The following ADGRV1 variants were observed in gnomAD, a reference collection of about 807,000 sequenced individuals.
ADGRV1 encodes the protein G-protein coupled receptor 98.
A neutral mutation model predicts 596.2 loss-of-function variants in ADGRV1; 359 were observed. That is an observed-to-expected ratio of 0.60 (90% CI 0.55 to 0.66). The LOEUF (loss-of-function observed/expected upper bound fraction) is 0.66, where lower values mean the gene tolerates loss of function less well. Ranked by LOEUF, ADGRV1 falls within the 30% of genes least tolerant of loss-of-function variation. ADGRV1 has a pLI of 0.00. For synonymous variants in ADGRV1, 2,681 were observed against 2,679.2 expected, an observed-to-expected ratio of 1.00 and a Z score of -0.02; for missense variants, 7,274 against 7,575.6, an observed-to-expected ratio of 0.96 and a Z score of 1.48.
intron 82 of ADGRV1, among the ~76,000 whole-genome samples, chr5:90,857,919 G>A (rs1767179011): frequency 6.6e-6 from 1 of 152,052 alleles, no homozygotes. Flanking sequence ...TATACAATTA[G>A]ACAGGAATTT....
chr5:90,773,326 G>C (rs1014146249), intron 59 of ADGRV1, among the ~76,000 whole-genome samples: 1 of 151,780 alleles, frequency 6.6e-6, no homozygotes, highest in Non-Finnish European at 1.5e-5. Flanking sequence ...CTAATAAATG[G>C]GTCAAAAAGA....
intron 74 of ADGRV1, 54 bp from the exon 75 acceptor site, chr5:90,815,565 G>A: frequency 1.0e-6 from 1 of 981,050 alleles, no homozygotes; most frequent in Non-Finnish European, 1.6e-6. Flanking sequence ...TGGAGCATGG[G>A]AGGTCTTTTA....
chr5:90,635,606 T>G (rs1242696955), intron 10 of ADGRV1, among the ~76,000 whole-genome samples: 1 of 145,880 alleles, frequency 6.9e-6, no homozygotes, highest in Non-Finnish European at 1.5e-5. Flanking sequence ...TTTTTTTTTT[T>G]CTTTGAGAGA....
At chr5:90,980,875 GA>G (rs1204065132) in intron 84 of ADGRV1, among the ~76,000 whole-genome samples, 1 of 152,142 alleles carries the variant, frequency 6.6e-6, no homozygotes, top group Non-Finnish European at 1.5e-5. Context: ...TCAAGGAAAG[GA>G]ATACAACAGG....
At chr5:90,958,581 T>C (rs1410256934) in intron 83 of ADGRV1, among the ~76,000 whole-genome samples, 1 of 152,132 alleles carries the variant, frequency 6.6e-6, no homozygotes, top group Non-Finnish European at 1.5e-5. Context: ...AGAGTCTGAG[T>C]TGAAGGTGTC....
chr5:90,999,991 G>A (rs948399646), intron 85 of ADGRV1, among the ~76,000 whole-genome samples: 1 of 151,882 alleles, frequency 6.6e-6, no homozygotes, highest in Admixed American at 6.6e-5. Context: ...TTCTTTTTCT[G>A]AAAATAATGT....
At chr5:91,153,063 T>G (rs1341389610) in intron 88 of ADGRV1, among the ~76,000 whole-genome samples, 158 bp from the exon 89 acceptor site, 4 of 152,094 alleles carry the variant, frequency 2.6e-5, no homozygotes, top group Admixed American at 6.6e-5. Flanking sequence ...AAAAATAAAT[T>G]TATAAATAAG....
intron 85 of ADGRV1, among the ~76,000 whole-genome samples, chr5:91,065,992 A>T (rs2151375009): frequency 6.6e-6 from 1 of 152,348 alleles, no homozygotes; most frequent in Admixed American, 6.5e-5. Context: ...ACCCCAAAAG[A>T]CTATTCAACA....
chr5:90,787,219 C>G (rs1344686168), intron 67 of ADGRV1, among the ~76,000 whole-genome samples: 1 of 152,136 alleles, frequency 6.6e-6, no homozygotes, highest in African/African-American at 2.4e-5. Context: ...AATGTTCTTT[C>G]TTTGTAGATT....
chr5:90,892,460 G>T (rs1770916444), intron 83 of ADGRV1, among the ~76,000 whole-genome samples: 1 of 151,980 alleles, frequency 6.6e-6, no homozygotes, highest in Non-Finnish European at 1.5e-5. Context: ...TGAAAATTAG[G>T]TCAGTTATGG....
chr5:90,700,197 T>A (rs986497196), intron 34 of ADGRV1, among the ~76,000 whole-genome samples: 4 of 152,194 alleles, frequency 2.6e-5, no homozygotes, highest in African/African-American at 9.7e-5. Context: ...TCATGGTGAT[T>A]CTTCAGAGAT....
chr5:91,159,566 A>G (rs1185140037), intron 89 of ADGRV1, among the ~76,000 whole-genome samples: 4 of 152,234 alleles, frequency 2.6e-5, no homozygotes, highest in African/African-American at 9.6e-5. Flanking sequence ...TCGACTTTCT[A>G]TGAGAAATCC....
intron 87 of ADGRV1, among the ~76,000 whole-genome samples, chr5:91,147,504 G>A (rs868079718): frequency 6.6e-6 from 1 of 152,148 alleles, no homozygotes; most frequent in Non-Finnish European, 1.5e-5. Flanking sequence ...GATAATGAGT[G>A]CATCTCATTA....
At chr5:91,001,234 C>T (rs565584944) in intron 85 of ADGRV1, among the ~76,000 whole-genome samples, 65 of 152,150 alleles carry the variant, frequency 4.3e-4, no homozygotes, top group Non-Finnish European at 3.2e-4. Flanking sequence ...TGTACCACCA[C>T]ACCTGGCTAA....
intron 73 of ADGRV1, 81 bp from the exon 74 acceptor site, chr5:90,810,152 A>G (rs574571987): frequency 8.6e-7 from 1 of 1,159,222 alleles, no homozygotes; most frequent in South Asian, 1.7e-5. Flanking sequence ...CAGCATTTTA[A>G]ATATGTGAAT....
chr5:90,720,357 A>G (rs1250493059), intron 44 of ADGRV1, 134 bp downstream of exon 44: 8 of 633,136 alleles, frequency 1.3e-5, no homozygotes, highest in African/African-American at 3.7e-5. Context: ...TCTAGAAAAG[A>G]TAGGTCTAGA....
At chr5:91,158,509 C>G (rs1388905421) in intron 89 of ADGRV1, among the ~76,000 whole-genome samples, 1 of 152,180 alleles carries the variant, frequency 6.6e-6, no homozygotes, top group African/African-American at 2.4e-5. Flanking sequence ...AAATCCTTCT[C>G]AAATTGTACC....
At chr5:90,937,764 G>C (rs144970912) in intron 83 of ADGRV1, among the ~76,000 whole-genome samples, 1,718 of 152,090 alleles carry the variant, frequency 0.011, 35 homozygotes, top group African/African-American at 0.039. Flanking sequence ...GCCAGTGATT[G>C]TATTTTTTTC....
At chr5:90,648,467 T>C (rs1053765656) in intron 17 of ADGRV1, among the ~76,000 whole-genome samples, 3 of 152,086 alleles carry the variant, frequency 2.0e-5, no homozygotes, top group African/African-American at 7.2e-5. Context: ...CCTAAATACA[T>C]TAGTGTATTT....
Sources: allele counts gnomAD v4.1 joint callset (sites outside exome capture counted in the v4.1 genomes callset), GRCh38; gene constraint gnomAD v4.1.1; transcripts MANE v1.5; gene names NCBI Gene and HGNC (gene_info 2026-07-23, HGNC 2026-07-21).